CASK: variants seen among roughly 807,000 people sequenced by gnomAD.
CASK encodes peripheral plasma membrane protein CASK.
Under a neutral mutation model 82.9 loss-of-function variants are expected in CASK, and 4 were observed. The ratio of observed to expected loss-of-function variants is 0.05; its 90% CI spans 0.02 to 0.11. The LOEUF is 0.11. CASK is among the 10% of genes least tolerant of loss of function. The pLI, the probability that CASK is intolerant of heterozygous loss-of-function variation, is 1.00. For synonymous variants in CASK, 259 were observed against 253.5 expected, an observed-to-expected ratio of 1.02 and a Z score of -0.20; for missense variants, 358 against 720.9, an observed-to-expected ratio of 0.50 and a Z score of 5.76.
chrX:41,772,613 C>T (rs974459736), intron 3 of CASK, among the ~76,000 whole-genome samples: 5 of 110,842 alleles, frequency 4.5e-5, no homozygotes, highest in African/African-American at 1.6e-4. Flanking sequence ...GAATAAAAAC[C>T]CTGAATATTC....
chrX:41,795,472 A>T, intron 2 of CASK, among the ~76,000 whole-genome samples: 1 of 110,796 alleles, frequency 9.0e-6, no homozygotes, highest in Non-Finnish European at 1.9e-5. Context: ...TTGGGACCAG[A>T]TTGGGCAACA....
intron 1 of CASK, among the ~76,000 whole-genome samples, chrX:41,877,224 T>C (rs1601932272): frequency 8.9e-6 from 1 of 111,825 alleles, no homozygotes; most frequent in Admixed American, 9.5e-5. Context: ...TGATTGGAGA[T>C]TGGAACAGGT....
At chrX:41,574,753 T>C (rs2065463410) in intron 15 of CASK, among the ~76,000 whole-genome samples, 1 of 112,013 alleles carries the variant, frequency 8.9e-6, no homozygotes, top group African/African-American at 3.2e-5. Flanking sequence ...GAAAGTGGCC[T>C]TGAATTTGAG....
intron 5 of CASK, among the ~76,000 whole-genome samples, chrX:41,691,303 A>G (rs1420103135): frequency 8.9e-6 from 1 of 111,867 alleles, no homozygotes; most frequent in Non-Finnish European, 1.9e-5. Context: ...GTGATTCTGT[A>G]AACTCTGGAT....
At position 41,832,640 on chromosome X, in the gene CASK, C is replaced by T. The variant is rs760852127; in HGVS notation, c.172+20475G>A. On this transcript the variant is annotated intron_variant, in intron 2 of 26. Transcript: ENST00000378163. ...ACTGAGGAAACACAGAAACACTGTT[C>T]CTTAGGGAAAATACAGGTTACTGTG... is the stretch of plus-strand genomic sequence containing the variant. Among the ~76,000 whole-genome samples, 3 of 112,471 alleles carry T rather than the reference C, an allele frequency of 2.7e-5. No individual in the cohort carries two copies. The East Asian group carries it at 8.3e-4, about 31-fold the overall frequency.
At chrX:41,852,882 T>A (rs1043761988) in intron 2 of CASK, among the ~76,000 whole-genome samples, 1 of 111,118 alleles carries the variant, frequency 9.0e-6, no homozygotes, top group Non-Finnish European at 1.9e-5. Context: ...TCAAAAAACA[T>A]AGGCCCATAG....
chrX:41,639,476 CT>C (rs1220153760), intron 8 of CASK, among the ~76,000 whole-genome samples: 1 of 105,829 alleles, frequency 9.4e-6, no homozygotes, highest in East Asian at 2.9e-4. Flanking sequence ...AGTTAGGAGG[CT>C]TTTACAGTAA....
intron 3 of CASK, among the ~76,000 whole-genome samples, chrX:41,760,109 T>C (rs755269018): frequency 2.7e-5 from 3 of 112,174 alleles, no homozygotes; most frequent in Non-Finnish European, 3.8e-5. Context: ...CATATCTGTA[T>C]GGCTTTCTAA....
At chrX:41,532,448 C>T (rs1334277385) in intron 24 of CASK, among the ~76,000 whole-genome samples, 1 of 111,859 alleles carries the variant, frequency 8.9e-6, no homozygotes, top group Non-Finnish European at 1.9e-5. Context: ...GAAGTATATG[C>T]CAATAAGCTC....
chrX:41,799,349 G>A (rs950272333), intron 2 of CASK, among the ~76,000 whole-genome samples: 2 of 111,689 alleles, frequency 1.8e-5, no homozygotes, highest in Admixed American at 9.5e-5. Flanking sequence ...AAACCACCCT[G>A]GCCAACATGG....
At chrX:41,853,713 C>T (rs1228512794) in intron 1 of CASK, among the ~76,000 whole-genome samples, 3 of 111,615 alleles carry the variant, frequency 2.7e-5, no homozygotes, top group Non-Finnish European at 5.6e-5. Flanking sequence ...TTGAACCTGT[C>T]CTCTTCTCTC....
Position 41,923,262 on chromosome X carries a change from C to G in CASK, c.-274G>C, listed in dbSNP as rs1304461710. The G allele has an allele frequency of 9.4e-6, 1 of 106,791 alleles. No homozygotes were observed. Among genetic ancestry groups the G allele is most frequent in the African/African-American group, 3.3e-5 (1 of 30,130 alleles). 8.8% of individuals were successfully genotyped at this position (106,791 alleles called of 1,213,427 possible). The stretch of plus-strand genomic sequence containing the variant: ...CCCGCCCGCTGCTTCTCGCGCTGCT[C>G]GGGCCGCGCTGCCCGGCGTGCGGAT... On this transcript the variant is annotated 5_prime_UTR_variant, in exon 1 of 27. Coordinates refer to ENST00000378163, the MANE Select transcript of CASK (RefSeq NM_001367721.1).
chrX:41,519,223 A>C lies in CASK; in HGVS notation c.*1197T>G, dbSNP rs2064601996. ...AAGGCATTTAATTATTGAACACATA[A>C]AAGGAAGTATATTTAAAAAAAATTG... On this transcript the variant is annotated 3_prime_UTR_variant, in exon 27 of 27. Transcript: ENST00000378163. 1 of 112,128 alleles carries C rather than the reference A, an allele frequency of 8.9e-6. No individual in the cohort carries two copies. The highest frequency in any genetic ancestry group is 1.9e-5 in the Non-Finnish European group (1 of 53,237). The allele number at this position is 112,128 out of a possible 1,213,427, so 9.2% of individuals were successfully genotyped here.
intron 26 of CASK, among the ~76,000 whole-genome samples, 153 bp from the exon 27 acceptor site, chrX:41,520,749 G>C (rs1448502291): frequency 8.9e-6 from 1 of 111,899 alleles, no homozygotes; most frequent in African/African-American, 3.3e-5. Context: ...CCATATGCCA[G>C]CATGAGGCCA....
At chrX:41,827,794 TAAAAGAAG>T (rs2070697789) in intron 2 of CASK, among the ~76,000 whole-genome samples, 1 of 112,062 alleles carries the variant, frequency 8.9e-6, no homozygotes, top group African/African-American at 3.2e-5. Flanking sequence ...TTAACACTAT[TAAAAGAAG>T]AAAAATGTAT....
At position 41,515,044 on chromosome X, in the gene CASK, A is replaced by G. The variant is rs980634131; in HGVS notation, c.*5376T>C. On this transcript the variant is annotated 3_prime_UTR_variant, in exon 27 of 27. Transcript: ENST00000378163. Reference sequence around the variant, plus strand: ...ATCCTACAGGTATGTATATTCTACAAGGAATACTATGGAGTTTCTCTTCTT... The same window carrying G: ...ATCCTACAGGTATGTATATTCTACAGGGAATACTATGGAGTTTCTCTTCTT... The G allele has an allele frequency of 4.4e-5, 5 of 112,604 alleles. No homozygotes were observed. Among genetic ancestry groups the G allele is most frequent in the African/African-American group, 1.6e-4 (5 of 31,000 alleles). 9.3% of individuals were successfully genotyped at this position (112,604 alleles called of 1,213,427 possible). A position where few individuals can be genotyped will look rare whatever the true frequency, so the allele number is the denominator to read the frequency against.
chrX:41,743,236 G>A (rs760565510), intron 4 of CASK, among the ~76,000 whole-genome samples: 4 of 111,376 alleles, frequency 3.6e-5, no homozygotes, highest in East Asian at 5.6e-4. Context: ...AGGTATCCCC[G>A]TGTTATTGTG....
intron 11 of CASK, among the ~76,000 whole-genome samples, chrX:41,618,069 C>A (rs1398511974): frequency 3.6e-5 from 4 of 111,864 alleles, no homozygotes; most frequent in Non-Finnish European, 7.5e-5. Context: ...CAAGACACTT[C>A]ATAAAATGGC....
At chrX:41,725,303 C>A (rs935654690) in intron 5 of CASK, among the ~76,000 whole-genome samples, 3 of 110,948 alleles carry the variant, frequency 2.7e-5, no homozygotes, top group East Asian at 2.8e-4. Context: ...TGAAAAAAAA[C>A]CCCAATTTCT....
Sources: gnomAD v4.1 joint callset for allele counts (sites outside exome capture counted in the v4.1 genomes callset) on GRCh38, gnomAD v4.1.1 for gene constraint, MANE v1.5 for transcripts, NCBI Gene and HGNC (gene_info 2026-07-23, HGNC 2026-07-21) for gene names.